Variants in AMPH observed in about 807,000 individuals in gnomAD.
AMPH encodes amphiphysin.
In AMPH, 49 loss-of-function variants were observed where a neutral mutation model predicts 99.1. The observed-to-expected ratio is 0.49, with a 90% CI of 0.39 to 0.63. The LOEUF is 0.63. AMPH is among the 20% of genes least tolerant of loss of function. AMPH has a pLI of 0.00. For synonymous variants in AMPH, 314 were observed against 317.3 expected, an observed-to-expected ratio of 0.99 and a Z score of 0.11; for missense variants, 759 against 863.4, an observed-to-expected ratio of 0.88 and a Z score of 1.52.
At chr7:38,402,817 TG>T (rs1385861268) in intron 17 of AMPH, among the ~76,000 whole-genome samples, 1 of 152,218 alleles carries the variant, frequency 6.6e-6, no homozygotes, top group Admixed American at 6.5e-5. Flanking sequence ...AAAATTATCT[TG>T]GGTTTAGCTA....
chr7:38,471,149 A>C (rs1787868991), intron 7 of AMPH, among the ~76,000 whole-genome samples: 1 of 152,162 alleles, frequency 6.6e-6, no homozygotes. Flanking sequence ...CTCCTGCTTC[A>C]TCACCACAAG....
intron 16 of AMPH, among the ~76,000 whole-genome samples, chr7:38,419,790 A>C (rs1401958491): frequency 6.6e-6 from 1 of 152,220 alleles, no homozygotes; most frequent in Non-Finnish European, 1.5e-5. Context: ...CTATGGAAGA[A>C]GTAAGATCGA....
chr7:38,527,182 T>A (rs1324954116), intron 2 of AMPH, among the ~76,000 whole-genome samples: 2 of 152,384 alleles, frequency 1.3e-5, no homozygotes, highest in Admixed American at 6.5e-5. Flanking sequence ...GGCCTTAATA[T>A]TGAAAAGAAT....
chr7:38,441,841 TC>T (rs1293604505), intron 11 of AMPH, among the ~76,000 whole-genome samples: 4 of 103,790 alleles, frequency 3.9e-5, no homozygotes, highest in South Asian at 3.5e-4. Context: ...ATATCATATA[TC>T]ATATATATCA....
intron 1 of AMPH, among the ~76,000 whole-genome samples, chr7:38,572,484 C>T (rs149524990): frequency 3.3e-5 from 5 of 152,280 alleles, no homozygotes; most frequent in East Asian, 1.9e-4. Flanking sequence ...ATGCCACACA[C>T]GACTGTACAG....
chr7:38,537,164 G>C (rs761939247), intron 1 of AMPH, among the ~76,000 whole-genome samples: 4 of 151,744 alleles, frequency 2.6e-5, no homozygotes, highest in Non-Finnish European at 5.9e-5. Context: ...AAAACTCCCA[G>C]CAAAAAAAAT....
chr7:38,474,206 A>G (rs1260058229), intron 7 of AMPH, among the ~76,000 whole-genome samples: 16 of 152,130 alleles, frequency 1.1e-4, no homozygotes, highest in African/African-American at 3.9e-4. Context: ...TAACAATTGC[A>G]AAGCTTTGAG....
At chr7:38,387,813 A>G (rs192740343) in intron 20 of AMPH, among the ~76,000 whole-genome samples, 1 of 151,852 alleles carries the variant, frequency 6.6e-6, no homozygotes, top group East Asian at 1.9e-4. Flanking sequence ...CAAGCACAAT[A>G]TATTTAAACT....
At chr7:38,595,776 G>T (rs550598697) in intron 1 of AMPH, among the ~76,000 whole-genome samples, 18 of 152,138 alleles carry the variant, frequency 1.2e-4, no homozygotes, top group Non-Finnish European at 2.4e-4. Flanking sequence ...GCCAATGTGT[G>T]CTCAGTGCTT....
chr7:38,515,832 G>A (rs770952211), intron 2 of AMPH, among the ~76,000 whole-genome samples: 12 of 152,218 alleles, frequency 7.9e-5, no homozygotes, highest in Non-Finnish European at 1.0e-4. Flanking sequence ...AGGCTGAGGA[G>A]GTCTCAGATG....
At chr7:38,490,891 G>C (rs1788693452) in intron 5 of AMPH, among the ~76,000 whole-genome samples, 159 bp downstream of exon 5, 1 of 152,146 alleles carries the variant, frequency 6.6e-6, no homozygotes, top group Non-Finnish European at 1.5e-5. Flanking sequence ...TTTTCAAACT[G>C]ATAGGAACAA....
chr7:38,505,851 C>T (rs540162321), intron 2 of AMPH, among the ~76,000 whole-genome samples: 1 of 152,082 alleles, frequency 6.6e-6, no homozygotes, highest in Non-Finnish European at 1.5e-5. Flanking sequence ...ATTCTGAGTA[C>T]ATAAATAGTG....
chr7:38,615,165 T>C (rs570765463), intron 1 of AMPH, among the ~76,000 whole-genome samples: 6 of 152,140 alleles, frequency 3.9e-5, no homozygotes, highest in Non-Finnish European at 8.8e-5. Context: ...ACTAGCTAAG[T>C]AGTCTCAAGC....
intron 17 of AMPH, 58 bp from the exon 18 acceptor site, chr7:38,394,272 CA>C (rs77002749): frequency 0.067 from 105,472 of 1,563,704 alleles, 4,229 homozygotes; most frequent in East Asian, 0.18. Flanking sequence ...TGCCAGGAGT[CA>C]AACTCAAGCC....
rs533104283 is a variant in AMPH at position 38,412,325 on chromosome 7, G to A, written c.1398+5500C>T. Reference sequence around the variant, plus strand: ...ACCTAAAAATGGCTCCTCAATAGTGGAAGAACAACCTGAATCTTGAGTTCA... The same window carrying A: ...ACCTAAAAATGGCTCCTCAATAGTGAAAGAACAACCTGAATCTTGAGTTCA... On this transcript the variant is annotated intron_variant, in intron 17 of 20. Transcript: ENST00000356264. 2.6e-5 allele frequency among the ~76,000 whole-genome samples: 4 copies of A among 152,302 alleles called. No individual in the cohort carries two copies. In the East Asian group the frequency reaches 7.7e-4, roughly 29 times the overall value.
At chr7:38,536,820 G>A (rs1790622640) in intron 1 of AMPH, among the ~76,000 whole-genome samples, 1 of 152,052 alleles carries the variant, frequency 6.6e-6, no homozygotes, top group African/African-American at 2.4e-5. Flanking sequence ...TCTTTGAAAG[G>A]TGGAGCAGAA....
At position 38,417,953 on chromosome 7, in the gene AMPH, T is replaced by C; in HGVS notation, c.1273-3A>G. On this transcript the variant is annotated splice_region_variant and splice_polypyrimidine_tract_variant and intron_variant, in intron 16 of 20. Coordinates refer to ENST00000356264, the MANE Select transcript of AMPH (RefSeq NM_001635.4). ...GGTGGAGCCTGTTCAGATTCAGCCTTGGAGTGTTTGTTTTGAGGGTTAGAG... is the reference window on the plus strand; with the variant it reads ...GGTGGAGCCTGTTCAGATTCAGCCTCGGAGTGTTTGTTTTGAGGGTTAGAG... 6.2e-7 allele frequency: 1 copy of C among 1,613,052 alleles called. No homozygotes were observed. The highest frequency in any genetic ancestry group is 2.2e-5 in the East Asian group (1 of 44,860).
intron 7 of AMPH, among the ~76,000 whole-genome samples, chr7:38,471,647 ATGGAC>A (rs1787891904): frequency 6.6e-6 from 1 of 152,178 alleles, no homozygotes; most frequent in Admixed American, 6.6e-5. Context: ...ATAAAGGTAA[ATGGAC>A]TGAGCACAGC....
At chr7:38,490,766 T>A (rs1404384131) in intron 5 of AMPH, among the ~76,000 whole-genome samples, 1 of 152,196 alleles carries the variant, frequency 6.6e-6, no homozygotes, top group Non-Finnish European at 1.5e-5. Flanking sequence ...AGATTGGAAC[T>A]TTTGGTAGCT....
Sources: gnomAD v4.1 joint callset for allele counts (sites outside exome capture counted in the v4.1 genomes callset) on GRCh38, gnomAD v4.1.1 for gene constraint, MANE v1.5 for transcripts, NCBI Gene and HGNC (gene_info 2026-07-23, HGNC 2026-07-21) for gene names.